Variants in PHACTR2 observed in about 807,000 individuals in gnomAD.
PHACTR2 encodes the protein phosphatase and actin regulator 2.
Under a neutral mutation model 76.0 loss-of-function variants are expected in PHACTR2, and 30 were observed. The observed-to-expected ratio is 0.39, with a 90% CI of 0.30 to 0.54. The LOEUF is 0.54. PHACTR2 is among the 20% of genes least tolerant of loss of function. The pLI, the probability that PHACTR2 is intolerant of heterozygous loss-of-function variation, is 0.61. For synonymous variants in PHACTR2, 292 were observed against 292.5 expected, an observed-to-expected ratio of 1.00 and a Z score of 0.02; for missense variants, 696 against 781.1, an observed-to-expected ratio of 0.89 and a Z score of 1.30.
intron 2 of PHACTR2, among the ~76,000 whole-genome samples, chr6:143,741,065 T>C (rs1382462362): frequency 6.6e-6 from 1 of 152,196 alleles, no homozygotes; most frequent in Non-Finnish European, 1.5e-5. Flanking sequence ...CTGGCCAACA[T>C]GGCGAAAACC....
intron 1 of PHACTR2, among the ~76,000 whole-genome samples, chr6:143,636,286 G>A (rs1776452748): frequency 6.6e-6 from 1 of 151,638 alleles, no homozygotes; most frequent in Non-Finnish European, 1.5e-5. Context: ...ATGCATGAAA[G>A]GTTATATATA....
chr6:143,686,908 C>A lies in PHACTR2; in HGVS notation c.46+8699C>A, dbSNP rs555050757. ...CCTTGACCGTAATTAAAGTCATGAGCTCACCTGCAACTGTACTAGCTTTTC... is the reference window on the plus strand; with the variant it reads ...CCTTGACCGTAATTAAAGTCATGAGATCACCTGCAACTGTACTAGCTTTTC... On this transcript the variant is annotated intron_variant, in intron 1 of 12. Coordinates refer to ENST00000440869, the MANE Select transcript of PHACTR2 (RefSeq NM_001100164.2). 5.8e-4 allele frequency among the ~76,000 whole-genome samples: 89 copies of A among 152,308 alleles called. No individual in the cohort carries two copies. In the Middle Eastern group the frequency reaches 0.017, roughly 29 times the overall value.
chr6:143,608,691 G>A lies in PHACTR2; in HGVS notation c.13+369G>A, dbSNP rs768625312. Among the ~76,000 whole-genome samples, 1 of 152,186 alleles carries A rather than the reference G, an allele frequency of 6.6e-6. No homozygotes were observed. Among genetic ancestry groups the A allele is most frequent in the Non-Finnish European group, 1.5e-5 (1 of 68,040 alleles). ...GTAGATGGAATTAAGTTAATGAGCT[G>A]AGCAAAAATTCTGTGTAAATATTAC... On this transcript the variant is annotated intron_variant, in intron 1 of 11. Coordinates refer to the PHACTR2 transcript ENST00000305766. The surrounding 1 kb of genome is among the most constrained non-coding windows in gnomAD (Gnocchi z 4.6).
intron 2 of PHACTR2, among the ~76,000 whole-genome samples, chr6:143,712,699 A>T (rs1241289694): frequency 6.6e-6 from 1 of 152,184 alleles, no homozygotes; most frequent in African/African-American, 2.4e-5. Flanking sequence ...TTTAGGAAAG[A>T]TTTTAGTGGC....
In PHACTR2 at chr6:143,775,353, T is replaced by G. The variant is rs1325506180; in HGVS notation, c.1589+1138T>G. ...AGTGGTCTCTCTCGCTCTCGTCTTC[T>G]TAATTCAGCCCTAACCTGTGACCAT... On this transcript the variant is annotated intron_variant, in intron 8 of 12. Transcript: ENST00000440869. This position sits in a 1 kb window ranked among gnomAD's most constrained non-coding sequence, Gnocchi z 4.4. 1.3e-5 allele frequency among the ~76,000 whole-genome samples: 2 copies of G among 152,208 alleles called. No homozygotes were observed. Among genetic ancestry groups the G allele is most frequent in the Admixed American group, 1.3e-4 (2 of 15,284 alleles).
chr6:143,606,978 A>G (rs1476245891), upstream of PHACTR2, among the ~76,000 whole-genome samples: 1 of 152,226 alleles, frequency 6.6e-6, no homozygotes, highest in Non-Finnish European at 1.5e-5. Context: ...AAAGAACCTC[A>G]TATCTATAGG....
rs1023394851 is a variant in PHACTR2, at chr6:143,784,898, T to C, written c.1707+1618T>C. Among the ~76,000 whole-genome samples, 3 of 152,158 alleles carry C rather than the reference T, an allele frequency of 2.0e-5. No individual in the cohort carries two copies. The South Asian group carries it at 6.2e-4, about 32-fold the overall frequency. On this transcript the variant is annotated intron_variant, in intron 10 of 12. Transcript: ENST00000440869. The surrounding 1 kb of genome is among the most constrained non-coding windows in gnomAD (Gnocchi z 4.5). ...AATGGGAAAGACCGAGCCCCATGATTCAATTACCTCTTCCTGGGTCCCTCC... is the reference window on the plus strand; with the variant it reads ...AATGGGAAAGACCGAGCCCCATGATCCAATTACCTCTTCCTGGGTCCCTCC...
Position 143,550,621 on chromosome 6 carries a change from A to G in PHACTR2, c.217+13414A>G, listed in dbSNP as rs1775082667. Among the ~76,000 whole-genome samples, 1 of 152,084 alleles carries G rather than the reference A, an allele frequency of 6.6e-6. No individual in the cohort carries two copies. Among genetic ancestry groups the G allele is most frequent in the South Asian group, 2.1e-4 (1 of 4,828 alleles). ...CCTACAAAAAATATTTTGCTTCAAG[A>G]GTGTCCATATGAATTGGCTTCTGGG... is the stretch of plus-strand genomic sequence containing the variant. On this transcript the variant is annotated intron_variant, in intron 1 of 11. Transcript: ENST00000367584. This position sits in a 1 kb window ranked among gnomAD's most constrained non-coding sequence, Gnocchi z 4.8.
In PHACTR2 at chr6:143,749,102, C is replaced by T. The variant is rs779774150; in HGVS notation, c.295+37C>T. The T allele has an allele frequency of 7.3e-6, 8 of 1,093,852 alleles. No individual in the cohort carries two copies. In the East Asian group the frequency reaches 1.9e-4, roughly 26 times the overall value. The allele number at this position is 1,093,852 out of a possible 1,614,324, so 67.8% of individuals were successfully genotyped here. On this transcript the variant is annotated intron_variant, in intron 3 of 12. Coordinates refer to ENST00000440869, the MANE Select transcript of PHACTR2 (RefSeq NM_001100164.2). Reference sequence around the variant, plus strand: ...AATCATACATTTTAAATATTTTGGTCCTTCATTCTTTGGTTTTTCTTTTGT... The same window carrying T: ...AATCATACATTTTAAATATTTTGGTTCTTCATTCTTTGGTTTTTCTTTTGT...
intron 10 of PHACTR2, 138 bp from the exon 11 acceptor site, chr6:143,788,635 C>A: frequency 1.9e-6 from 1 of 530,902 alleles, no homozygotes. Context: ...TCCCAAGATG[C>A]TGTTGCCTTT....
rs564314575 is a variant in PHACTR2, at chr6:143,793,674, A to G, written c.1845+4764A>G. Among the ~76,000 whole-genome samples the G allele has an allele frequency of 1.3e-5, 2 of 152,080 alleles. No homozygotes were observed. Among genetic ancestry groups the G allele is most frequent in the Admixed American group, 6.5e-5 (1 of 15,276 alleles). ...GTAATCCTAGCACTTTGGGAGGCCAAGGTTTCTTGAGCTCAAGATTTCTTG... is the reference window on the plus strand; with the variant it reads ...GTAATCCTAGCACTTTGGGAGGCCAGGGTTTCTTGAGCTCAAGATTTCTTG... On this transcript the variant is annotated intron_variant, in intron 11 of 12. Transcript: ENST00000440869. This position sits in a 1 kb window ranked among gnomAD's most constrained non-coding sequence, Gnocchi z 4.4.
chr6:143,737,117 A>G (rs925903609), intron 2 of PHACTR2, among the ~76,000 whole-genome samples: 1 of 151,668 alleles, frequency 6.6e-6, no homozygotes, highest in South Asian at 2.1e-4. Context: ...GTGAACTTCT[A>G]TATAAATATT....
intron 12 of PHACTR2, among the ~76,000 whole-genome samples, chr6:143,808,532 G>T (rs1776111143): frequency 6.6e-6 from 1 of 152,060 alleles, no homozygotes; most frequent in African/African-American, 2.4e-5. Context: ...CATTTACATT[G>T]TATTAGGTAG....
intron 1 of PHACTR2, among the ~76,000 whole-genome samples, chr6:143,552,888 G>GAAAAAAAAAAAAAAAA (rs35606517): frequency 1.7e-5 from 2 of 116,652 alleles, no homozygotes; most frequent in Non-Finnish European, 1.7e-5. Context: ...ATCTCAAAAA[G>GAAAAAAAAAAAAAAAA]AAAAAAAAAA....
At position 143,627,369 on chromosome 6, in the gene PHACTR2, A is replaced by G. The variant is rs1297021709; in HGVS notation, c.13+19047A>G. Among the ~76,000 whole-genome samples, 1 of 152,254 alleles carries G rather than the reference A, an allele frequency of 6.6e-6. No individual in the cohort carries two copies. Among genetic ancestry groups the G allele is most frequent in the Non-Finnish European group, 1.5e-5 (1 of 68,042 alleles). On this transcript the variant is annotated intron_variant, in intron 1 of 11. Coordinates refer to the PHACTR2 transcript ENST00000305766. The surrounding 1 kb of genome is among the most constrained non-coding windows in gnomAD (Gnocchi z 4.3). ...CCAGAATGATCTTGACTAATTTAAA[A>G]AAATTTGTGGAACACAGATATTTTA... is the stretch of plus-strand genomic sequence containing the variant.
chr6:143,629,813 T>A (rs1243919951), intron 1 of PHACTR2, among the ~76,000 whole-genome samples: 2 of 152,150 alleles, frequency 1.3e-5, no homozygotes, highest in Non-Finnish European at 2.9e-5. Flanking sequence ...GAAATTCAAA[T>A]GAAAGGAGCG....
chr6:143,790,504 G>T (rs890624339), intron 11 of PHACTR2, among the ~76,000 whole-genome samples: 1 of 152,016 alleles, frequency 6.6e-6, no homozygotes, highest in Non-Finnish European at 1.5e-5. Flanking sequence ...TTTGCCTTTC[G>T]TTCATTATGA....
chr6:143,546,875 A>T lies in PHACTR2; in HGVS notation c.217+9668A>T, dbSNP rs533113545. 1.0e-3 allele frequency among the ~76,000 whole-genome samples: 151 copies of T among 147,734 alleles called. 1 individual carries two copies. Among genetic ancestry groups the T allele is most frequent in the African/African-American group, 3.5e-3 (139 of 39,686 alleles). Reference sequence around the variant, plus strand: ...ACCCCATCTCAAAAAAAAAAAAAATAAAAAATAAAAAATTAGCCAGGTGAA... The same window carrying T: ...ACCCCATCTCAAAAAAAAAAAAAATTAAAAATAAAAAATTAGCCAGGTGAA... On this transcript the variant is annotated intron_variant, in intron 1 of 11. Transcript: ENST00000367584. This position sits in a 1 kb window ranked among gnomAD's most constrained non-coding sequence, Gnocchi z 4.9.
rs916350498 is a variant in PHACTR2, at chr6:143,733,806, G to C, written c.215-15179G>C. On this transcript the variant is annotated intron_variant, in intron 2 of 12. Coordinates refer to ENST00000440869, the MANE Select transcript of PHACTR2 (RefSeq NM_001100164.2). The surrounding 1 kb of genome is among the most constrained non-coding windows in gnomAD (Gnocchi z 4.0). Reference sequence around the variant, plus strand: ...TTTTAATTCAACCATTTGTGTTCTTGTGTATTTCACAACAAAACCTAATGA... The same window carrying C: ...TTTTAATTCAACCATTTGTGTTCTTCTGTATTTCACAACAAAACCTAATGA... Among the ~76,000 whole-genome samples, 1 of 152,140 alleles carries C rather than the reference G, an allele frequency of 6.6e-6. No homozygotes were observed. Among genetic ancestry groups the C allele is most frequent in the Non-Finnish European group, 1.5e-5 (1 of 68,026 alleles).
Sources: allele counts gnomAD v4.1 joint callset (sites outside exome capture counted in the v4.1 genomes callset), GRCh38; gene constraint gnomAD v4.1.1; non-coding constraint Gnocchi (gnomAD v3.1); transcripts MANE v1.5; gene names NCBI Gene and HGNC (gene_info 2026-07-23, HGNC 2026-07-21).